Variants in PITPNC1 observed in about 807,000 individuals in gnomAD.
PITPNC1 encodes phosphatidylinositol transfer protein cytoplasmic 1.
PITPNC1 carries 18 observed loss-of-function variants against 44.7 expected under a neutral mutation model. The ratio of observed to expected loss-of-function variants is 0.40; its 90% CI spans 0.28 to 0.60. The LOEUF is 0.60. PITPNC1 is among the 20% of genes least tolerant of loss of function. PITPNC1 has a pLI of 0.39. For missense variants in PITPNC1, 290 were observed against 418.4 expected, an observed-to-expected ratio of 0.69 and a Z score of 2.68; for synonymous variants, 141 against 149.6, an observed-to-expected ratio of 0.94 and a Z score of 0.42.
intron 1 of PITPNC1, among the ~76,000 whole-genome samples, chr17:67,494,189 C>CTT (rs1315536929): frequency 1.6e-5 from 1 of 62,064 alleles, no homozygotes; most frequent in African/African-American, 5.1e-5. Flanking sequence ...CTTTCTTTTT[C>CTT]TTTCTTTCTT....
At chr17:67,627,911 TTTC>T (rs771458828) in intron 5 of PITPNC1, among the ~76,000 whole-genome samples, 8 of 151,916 alleles carry the variant, frequency 5.3e-5, no homozygotes, top group South Asian at 4.2e-4. Context: ...TTCTTTTCTT[TTTC>T]TTCTTCTTCT....
intron 1 of PITPNC1, among the ~76,000 whole-genome samples, chr17:67,435,604 A>G (rs1192159337): frequency 6.6e-6 from 1 of 152,212 alleles, no homozygotes; most frequent in Non-Finnish European, 1.5e-5. Flanking sequence ...CTGTAATCTC[A>G]GCACTTTGGT....
chr17:67,450,676 A>T (rs777985910), intron 1 of PITPNC1, among the ~76,000 whole-genome samples: 1 of 152,110 alleles, frequency 6.6e-6, no homozygotes. Context: ...ATCCACCCGC[A>T]TCAGACTCCC....
At chr17:67,504,973 C>T (rs1299328603) in intron 1 of PITPNC1, among the ~76,000 whole-genome samples, 1 of 152,132 alleles carries the variant, frequency 6.6e-6, no homozygotes, top group Admixed American at 6.5e-5. Context: ...TTTCTACTCT[C>T]CCTTGTGATT....
intron 1 of PITPNC1, among the ~76,000 whole-genome samples, chr17:67,425,206 CACACA>C (rs2038740821): frequency 3.9e-5 from 1 of 25,478 alleles, no homozygotes; most frequent in African/African-American, 3.1e-4. Flanking sequence ...CGCACACGCA[CACACA>C]CACACACACA....
At chr17:67,432,436 C>T (rs895112830) in intron 1 of PITPNC1, among the ~76,000 whole-genome samples, 3 of 151,870 alleles carry the variant, frequency 2.0e-5, no homozygotes, top group Non-Finnish European at 4.4e-5. Flanking sequence ...TGCAGTGAGC[C>T]GAGCTTGCAG....
intron 1 of PITPNC1, among the ~76,000 whole-genome samples, chr17:67,506,349 TTTTAG>T (rs563855924): frequency 6.6e-6 from 1 of 152,212 alleles, no homozygotes; most frequent in Admixed American, 6.5e-5. Context: ...AAGATATTGT[TTTTAG>T]TTTAGTTTAG....
intron 6 of PITPNC1, among the ~76,000 whole-genome samples, chr17:67,647,464 G>GTTTTTTTTGTTTTTTTTTTTTTT (rs2042162118): frequency 5.5e-5 from 4 of 72,362 alleles, no homozygotes; most frequent in African/African-American, 1.8e-4. Flanking sequence ...CTAATTTTGG[G>GTTTTTTTTGTTTTTTTTTTTTTT]TTTTTTTTTT....
chr17:67,639,033 G>C (rs555927849), intron 6 of PITPNC1: 23 of 152,340 alleles, frequency 1.5e-4, no homozygotes, highest in African/African-American at 5.3e-4. Flanking sequence ...TGAGATGAGA[G>C]GATCACTTGA....
At chr17:67,675,581 C>G (rs1174596109) in intron 8 of PITPNC1, 39 bp downstream of exon 8, 4 of 1,368,592 alleles carry the variant, frequency 2.9e-6, no homozygotes, top group Non-Finnish European at 4.2e-6. Flanking sequence ...AGAACAACTT[C>G]ATGTTGTCTC....
chr17:67,397,020 C>T (rs1330436057), intron 1 of PITPNC1, among the ~76,000 whole-genome samples: 1 of 151,880 alleles, frequency 6.6e-6, no homozygotes, highest in African/African-American at 2.4e-5. Flanking sequence ...CACTCTTATC[C>T]CCTAGGCTGG....
chr17:67,378,098 G>T lies in PITPNC1; in HGVS notation c.-57G>T. Reference sequence around the variant, plus strand: ...TGCCCTGCGCCTGGGCAGCAGCCTTGCTGGTCTTGGGGGCGCCCCCCGCTT... The same window carrying T: ...TGCCCTGCGCCTGGGCAGCAGCCTTTCTGGTCTTGGGGGCGCCCCCCGCTT... On this transcript the variant is annotated 5_prime_UTR_variant, in exon 1 of 9. Coordinates refer to ENST00000581322, the MANE Select transcript of PITPNC1 (RefSeq NM_012417.4). The T allele has an allele frequency of 6.8e-6, 9 of 1,316,036 alleles. No homozygotes were observed. Among genetic ancestry groups the T allele is most frequent in the Non-Finnish European group, 9.3e-6 (9 of 965,018 alleles). 81.5% of individuals were successfully genotyped at this position (1,316,036 alleles called of 1,614,324 possible).
At chr17:67,409,951 T>C (rs1042396387) in intron 1 of PITPNC1, among the ~76,000 whole-genome samples, 2 of 152,200 alleles carry the variant, frequency 1.3e-5, no homozygotes, top group Non-Finnish European at 2.9e-5. Flanking sequence ...AAGTTGCTAT[T>C]ATGAACACTA....
intron 1 of PITPNC1, among the ~76,000 whole-genome samples, chr17:67,423,925 T>C (rs2038704953): frequency 6.6e-6 from 1 of 152,018 alleles, no homozygotes; most frequent in Non-Finnish European, 1.5e-5. Context: ...TTCAAGTAGA[T>C]TTCTTGCAGT....
At chr17:67,624,214 C>CTTTTTTTT (rs71139163) in intron 5 of PITPNC1, among the ~76,000 whole-genome samples, 3 of 127,126 alleles carry the variant, frequency 2.4e-5, no homozygotes, top group African/African-American at 6.1e-5. Flanking sequence ...TCTTTCTTTT[C>CTTTTTTTT]TTTTTTTTTT....
intron 2 of PITPNC1, among the ~76,000 whole-genome samples, chr17:67,549,246 G>A (rs2040725351): frequency 1.3e-5 from 2 of 152,102 alleles, no homozygotes; most frequent in Non-Finnish European, 2.9e-5. Context: ...CTGAGGTCAG[G>A]AGTTCAAGAC....
chr17:67,649,816 G>C (rs2042189948), intron 6 of PITPNC1, among the ~76,000 whole-genome samples: 1 of 152,076 alleles, frequency 6.6e-6, no homozygotes, highest in South Asian at 2.1e-4. Context: ...CAGAACTCAG[G>C]AAAACATTTA....
chr17:67,533,086 T>C (rs906705244), intron 2 of PITPNC1, 136 bp downstream of exon 2: 1 of 668,068 alleles, frequency 1.5e-6, no homozygotes, highest in Non-Finnish European at 2.5e-6. Context: ...CGACCACCAA[T>C]CTCATTGTTT....
rs531880300 is a variant in PITPNC1, at chr17:67,470,677, C to T, written c.49-62125C>T. 9.2e-5 allele frequency among the ~76,000 whole-genome samples: 14 copies of T among 152,236 alleles called. No homozygotes were observed. The South Asian group carries it at 1.0e-3, about 11-fold the overall frequency. On this transcript the variant is annotated intron_variant, in intron 1 of 8. Coordinates refer to ENST00000581322, the MANE Select transcript of PITPNC1 (RefSeq NM_012417.4). ...CTGGGAAGTGAGGAGCCCCTCTGCC[C>T]GGCCACCACCCCGTCTGGGAGGTGT...
Sources: gnomAD v4.1 joint callset for allele counts (sites outside exome capture counted in the v4.1 genomes callset) on GRCh38, gnomAD v4.1.1 for gene constraint, MANE v1.5 for transcripts, NCBI Gene and HGNC (gene_info 2026-07-23, HGNC 2026-07-21) for gene names.